The following GRID2 variants were observed in gnomAD, a reference collection of about 807,000 sequenced individuals.
The protein encoded by GRID2 is glutamate receptor ionotropic, delta-2.
In GRID2, 33 loss-of-function variants were observed where a neutral mutation model predicts 114.8. The ratio of observed to expected loss-of-function variants is 0.29; its 90% CI spans 0.22 to 0.38. The LOEUF (loss-of-function observed/expected upper bound fraction) is 0.38, where lower values mean the gene tolerates loss of function less well. Among genes scored for constraint, GRID2 ranks in the 10% least tolerant of loss-of-function variants. GRID2 has a pLI of 1.00. For synonymous variants in GRID2, 505 were observed against 449.9 expected, an observed-to-expected ratio of 1.12 and a Z score of -1.55; for missense variants, 1,184 against 1,257.7, an observed-to-expected ratio of 0.94 and a Z score of 0.89.
intron 14 of GRID2, among the ~76,000 whole-genome samples, chr4:93,645,375 G>A (rs1426841697): frequency 6.6e-6 from 1 of 152,046 alleles, no homozygotes; most frequent in Non-Finnish European, 1.5e-5. Context: ...GGAAATGTAG[G>A]GAATATGACA....
At chr4:92,530,223 T>C (rs1725266273) in intron 1 of GRID2, among the ~76,000 whole-genome samples, 2 of 151,928 alleles carry the variant, frequency 1.3e-5, no homozygotes, top group Admixed American at 1.3e-4. Context: ...ATCTAGGTGA[T>C]AGTCATTGAT....
intron 1 of GRID2, among the ~76,000 whole-genome samples, chr4:92,498,261 T>C (rs1723493413): frequency 6.6e-6 from 1 of 151,832 alleles, no homozygotes. Flanking sequence ...CATTAGTAAA[T>C]TGGTCCCAAG....
chr4:93,791,133 C>A (rs1270302075), intron 1 of GRID2, among the ~76,000 whole-genome samples: 1 of 152,042 alleles, frequency 6.6e-6, no homozygotes, highest in Non-Finnish European at 1.5e-5. Context: ...GAGAGATGTA[C>A]AAATGAAAAC....
intron 2 of GRID2, among the ~76,000 whole-genome samples, chr4:92,749,759 A>G (rs577550677): frequency 6.6e-6 from 1 of 152,156 alleles, no homozygotes; most frequent in Non-Finnish European, 1.5e-5. Flanking sequence ...TTTAATGGGT[A>G]CAAACATACA....
intron 2 of GRID2, among the ~76,000 whole-genome samples, chr4:92,772,642 C>T (rs1048940137): frequency 2.8e-4 from 42 of 152,204 alleles, no homozygotes; most frequent in African/African-American, 9.1e-4. Flanking sequence ...CATATCATAG[C>T]TCATGCATCC....
chr4:92,788,524 C>A (rs970937324), intron 2 of GRID2, among the ~76,000 whole-genome samples: 1 of 151,826 alleles, frequency 6.6e-6, no homozygotes, highest in Non-Finnish European at 1.5e-5. Context: ...ATTTTTTATT[C>A]AAATGTTTTT....
chr4:93,692,901 G>A (rs1424579526), intron 14 of GRID2, among the ~76,000 whole-genome samples: 1 of 152,162 alleles, frequency 6.6e-6, no homozygotes, highest in Non-Finnish European at 1.5e-5. Flanking sequence ...AAGTTGGAAA[G>A]CTCTCATTAG....
intron 13 of GRID2, among the ~76,000 whole-genome samples, chr4:93,540,255 A>G (rs1018936423): frequency 6.6e-6 from 1 of 152,060 alleles, no homozygotes; most frequent in Non-Finnish European, 1.5e-5. Flanking sequence ...AACTCTAAAT[A>G]TATATATAAG....
At chr4:93,470,397 T>A (rs952845142) in intron 11 of GRID2, among the ~76,000 whole-genome samples, 1 of 152,122 alleles carries the variant, frequency 6.6e-6, no homozygotes, top group Non-Finnish European at 1.5e-5. Context: ...GAGGTCAAAC[T>A]TGTAAGCTGG....
At chr4:93,577,752 A>G (rs1736561834) in intron 13 of GRID2, among the ~76,000 whole-genome samples, 1 of 152,228 alleles carries the variant, frequency 6.6e-6, no homozygotes, top group Non-Finnish European at 1.5e-5. Flanking sequence ...GAAATGGCAC[A>G]GGCCTGAAGT....
chr4:92,493,127 CAAAA>C (rs1043809824), intron 1 of GRID2, among the ~76,000 whole-genome samples: 1 of 48,478 alleles, frequency 2.1e-5, no homozygotes, highest in Admixed American at 2.1e-4. Flanking sequence ...GACTCCATCT[CAAAA>C]AAAAAAAAAA....
At chr4:92,740,367 A>G (rs1438127117) in intron 2 of GRID2, among the ~76,000 whole-genome samples, 2 of 152,280 alleles carry the variant, frequency 1.3e-5, no homozygotes, top group Non-Finnish European at 2.9e-5. Flanking sequence ...TTCTTCATGC[A>G]TGTCAGTGTT....
At chr4:92,434,947 G>A (rs1732662564) in intron 1 of GRID2, among the ~76,000 whole-genome samples, 1 of 152,040 alleles carries the variant, frequency 6.6e-6, no homozygotes. Context: ...ACATGGGAAT[G>A]GAATTCAACA....
At chr4:93,363,776 C>T (rs756145543) in intron 8 of GRID2, among the ~76,000 whole-genome samples, 47 of 151,962 alleles carry the variant, frequency 3.1e-4, no homozygotes, top group Admixed American at 5.9e-4. Flanking sequence ...TAAGGCACCC[C>T]TTTACTTCCT....
chr4:93,769,244 A>G lies in GRID2; in HGVS notation c.2395A>G (p.Ile799Val). 1 of 1,613,856 alleles carries G rather than the reference A, an allele frequency of 6.2e-7. No homozygotes were observed. The change falls in exon 15 of 16, where the codon ATC becomes GTC. Residue 799 changes from isoleucine (I) to valine (V), a missense_variant. This residue lies in a region of GRID2 where 717 missense variants were observed against 796.9 expected (regional missense o/e 0.90). Transcript: ENST00000282020. ...LELQQNGDMD[I>V]LKHKWWPKNG... ...GCTTCAGCAGAATGGTGACATGGAC[A>G]TCCTGAAGCACAAATGGTGGCCTAA... is the stretch of plus-strand genomic sequence containing the variant.
At chr4:92,932,069 C>A (rs1418909339) in intron 2 of GRID2, among the ~76,000 whole-genome samples, 2 of 150,888 alleles carry the variant, frequency 1.3e-5, no homozygotes, top group Non-Finnish European at 1.5e-5. Flanking sequence ...AAGCATCAAG[C>A]ATGAAAAAAT....
chr4:92,556,458 T>TTTA (rs756310607), intron 1 of GRID2, among the ~76,000 whole-genome samples: 74 of 152,186 alleles, frequency 4.9e-4, no homozygotes, highest in Admixed American at 2.3e-3. Context: ...CATTGGATCA[T>TTTA]TTATTATTAT....
chr4:93,776,400 G>T (rs1440848703), downstream of GRID2, among the ~76,000 whole-genome samples: 2 of 152,194 alleles, frequency 1.3e-5, no homozygotes, highest in African/African-American at 4.8e-5. Context: ...AGAGAATAAA[G>T]CTATAATTTA....
chr4:93,242,798 T>C (rs1747697499), intron 8 of GRID2, among the ~76,000 whole-genome samples: 1 of 152,008 alleles, frequency 6.6e-6, no homozygotes, highest in Non-Finnish European at 1.5e-5. Flanking sequence ...GAGGAGAGCT[T>C]CATTTAGCCT....
Sources: allele counts gnomAD v4.1 joint callset (sites outside exome capture counted in the v4.1 genomes callset), GRCh38; gene constraint gnomAD v4.1.1; regional missense constraint gnomAD v4.1.1; transcripts MANE v1.5; gene names NCBI Gene and HGNC (gene_info 2026-07-23, HGNC 2026-07-21).